The following RNF213 variants were observed in gnomAD, a reference collection of about 807,000 sequenced individuals.
RNF213 encodes ring finger protein 213.
In RNF213, 341 loss-of-function variants were observed where a neutral mutation model predicts 514.4. That is an observed-to-expected ratio of 0.66 (90% CI 0.61 to 0.73). The LOEUF (loss-of-function observed/expected upper bound fraction) is 0.73, where lower values mean the gene tolerates loss of function less well. RNF213 is among the 30% of genes least tolerant of loss of function. RNF213 has a pLI of 0.00. For missense variants in RNF213, 5,767 were observed against 6,615.6 expected, an observed-to-expected ratio of 0.87 and a Z score of 4.45; for synonymous variants, 2,655 against 2,658.2, an observed-to-expected ratio of 1.00 and a Z score of 0.04.
At chr17:80,304,811 A>G (rs2045301827) in intron 11 of RNF213, among the ~76,000 whole-genome samples, 1 of 152,054 alleles carries the variant, frequency 6.6e-6, no homozygotes, top group African/African-American at 2.4e-5. Flanking sequence ...CGTCAGCACC[A>G]TCCACCTCCC....
chr17:80,275,357 T>G (rs77432320), intron 3 of RNF213, among the ~76,000 whole-genome samples: 2,742 of 152,060 alleles, frequency 0.018, 88 homozygotes, highest in African/African-American at 0.059. Flanking sequence ...AAAGTGGCAG[T>G]ACGGATGGTG....
intron 58 of RNF213, among the ~76,000 whole-genome samples, chr17:80,383,318 A>C (rs543189611): frequency 6.6e-6 from 1 of 152,350 alleles, no homozygotes; most frequent in African/African-American, 2.4e-5. Context: ...AAGTGCAGGC[A>C]GTGTTTTTCT....
intron 3 of RNF213, among the ~76,000 whole-genome samples, chr17:80,283,144 A>T (rs994425327): frequency 1.3e-5 from 2 of 152,190 alleles, no homozygotes; most frequent in Non-Finnish European, 2.9e-5. Context: ...ATTCTGGGTC[A>T]AAGAAGACTA....
chr17:80,290,207 G>A (rs985899889), intron 6 of RNF213, among the ~76,000 whole-genome samples: 1 of 152,266 alleles, frequency 6.6e-6, no homozygotes, highest in Admixed American at 6.5e-5. Context: ...CCTCCATGGG[G>A]GGTGGTGTGT....
rs188489730 is a variant in RNF213 at position 80,301,588 on chromosome 17, A to C, written c.2210+3070A>C. On this transcript the variant is annotated intron_variant, in intron 11 of 67. Transcript: ENST00000582970. ...TAGGGAAATGCAAATCAAAACCACA[A>C]TGAGATATGGTCTTACCCAAGTTAG... Among the ~76,000 whole-genome samples the C allele has an allele frequency of 5.9e-5, 9 of 152,348 alleles. No homozygotes were observed. The East Asian group carries it at 1.7e-3, about 29-fold the overall frequency.
chr17:80,284,888 C>T (rs2044419104), intron 3 of RNF213, among the ~76,000 whole-genome samples: 1 of 152,214 alleles, frequency 6.6e-6, no homozygotes, highest in Admixed American at 6.5e-5. Flanking sequence ...CTCTGATTGG[C>T]TCACAGGCCA....
intron 59 of RNF213, 67 bp from the exon 60 acceptor site, chr17:80,384,972 G>A: frequency 1.3e-6 from 2 of 1,555,422 alleles, no homozygotes; most frequent in East Asian, 2.2e-5. Flanking sequence ...CAGTCTCAAA[G>A]TCTGTAACCC....
At chr17:80,390,296 A>G (rs2144667324) in intron 67 of RNF213, 100 bp downstream of exon 67, 1 of 1,363,482 alleles carries the variant, frequency 7.3e-7, no homozygotes. Flanking sequence ...CTTACCACAG[A>G]ATCCCATTTC....
Position 80,264,998 on chromosome 17 carries a change from A to G in RNF213, c.97+1220A>G, listed in dbSNP as rs561647294. On this transcript the variant is annotated intron_variant, in intron 2 of 67. Transcript: ENST00000582970. The surrounding 1 kb of genome is among the most constrained non-coding windows in gnomAD (Gnocchi z 5.0). ...AGCTGCTCGCCATGGGGTCTCTCCGATGTTGTCCTTCAAGGGTGTGAGCCC... is the reference window on the plus strand; with the variant it reads ...AGCTGCTCGCCATGGGGTCTCTCCGGTGTTGTCCTTCAAGGGTGTGAGCCC... Among the ~76,000 whole-genome samples, 3 of 144,862 alleles carry G rather than the reference A, an allele frequency of 2.1e-5. No homozygotes were observed. Among genetic ancestry groups the G allele is most frequent in the Non-Finnish European group, 3.0e-5 (2 of 66,858 alleles).
chr17:80,362,974 G>A, intron 39 of RNF213, 128 bp from the exon 40 acceptor site: 1 of 918,310 alleles, frequency 1.1e-6, no homozygotes, highest in Non-Finnish European at 1.7e-6. Context: ...GAAGCAAACG[G>A]GACAGAATAG....
intron 55 of RNF213, among the ~76,000 whole-genome samples, chr17:80,380,551 C>T (rs1008836177): frequency 2.0e-5 from 3 of 152,178 alleles, no homozygotes; most frequent in Non-Finnish European, 4.4e-5. Context: ...GTGGAAAAGA[C>T]GGGTCCAGGC....
chr17:80,388,409 G>A (rs2080326078), intron 63 of RNF213: 2 of 600,052 alleles, frequency 3.3e-6, no homozygotes, highest in Middle Eastern at 4.5e-4. Context: ...GTAATTGGCT[G>A]TGAGGACTCC....
At chr17:80,374,629 A>G (rs1387127278) in intron 50 of RNF213, 40 bp downstream of exon 50, 3 of 1,611,488 alleles carry the variant, frequency 1.9e-6, no homozygotes, top group Admixed American at 1.7e-5. Context: ...ACCAGGTGGC[A>G]TCCCTTGGAG....
At position 80,381,268 on chromosome 17, in the gene RNF213, C is replaced by G. The variant is rs904932758; in HGVS notation, c.13798-279C>G. On this transcript the variant is annotated intron_variant, in intron 56 of 67. Coordinates refer to ENST00000582970, the MANE Select transcript of RNF213 (RefSeq NM_001256071.3). The stretch of plus-strand genomic sequence containing the variant: ...AGAGGCTGACATCTTCATTATTTTA[C>G]CTGTGTCTTCATTGTAGCTAGGGAA... The G allele has an allele frequency of 4.9e-5, 29 of 594,972 alleles. No individual in the cohort carries two copies. The African/African-American group carries it at 5.0e-4, about 10-fold the overall frequency. 36.9% of individuals were successfully genotyped at this position (594,972 alleles called of 1,614,324 possible). A position where few individuals can be genotyped will look rare whatever the true frequency, so the allele number is the denominator to read the frequency against.
In RNF213 at chr17:80,356,007, C is replaced by CTT. The variant is rs71365599; in HGVS notation, c.10862+1442_10862+1443dup. 5.1e-3 allele frequency among the ~76,000 whole-genome samples: 757 copies of CTT among 147,498 alleles called. 6 individuals carry two copies. Among genetic ancestry groups the CTT allele is most frequent in the African/African-American group, 0.015 (613 of 40,274 alleles). ...TTCCTCCTTGTGGACTCTCTTGATG[C>CTT]TTTTTTTTTTTTGAGACGGAGTCTC... On this transcript the variant is annotated intron_variant, in intron 36 of 67. Transcript: ENST00000582970.
chr17:80,290,378 T>G (rs1008042976), intron 6 of RNF213, among the ~76,000 whole-genome samples, 192 bp from the exon 7 acceptor site: 1 of 151,066 alleles, frequency 6.6e-6, no homozygotes, highest in African/African-American at 2.4e-5. Flanking sequence ...TGTGAGTGCG[T>G]GCACGTGTGT....
intron 20 of RNF213, among the ~76,000 whole-genome samples, chr17:80,331,685 G>A (rs567765494): frequency 6.7e-4 from 102 of 152,326 alleles, no homozygotes; most frequent in African/African-American, 2.3e-3. Context: ...GAGCCACTGC[G>A]CCCAACTAGT....
At chr17:80,323,014 C>G (rs545702541) in intron 17 of RNF213, among the ~76,000 whole-genome samples, 8 of 152,270 alleles carry the variant, frequency 5.3e-5, no homozygotes, top group African/African-American at 1.9e-4. Flanking sequence ...ATAGTTTTAG[C>G]TCTTACATGT....
Position 80,376,285 on chromosome 17 carries a change from G to C in RNF213, c.13186-16G>C, listed in dbSNP as rs754459601. On this transcript the variant is annotated splice_polypyrimidine_tract_variant and intron_variant, in intron 51 of 67. Transcript: ENST00000582970. ...ATTCTTTGATACATCTTAATGTTAA[G>C]TTTTTTTCCTGTCAGCAATGTGAAG... The C allele has an allele frequency of 6.2e-7, 1 of 1,613,976 alleles. No individual in the cohort carries two copies. The highest frequency in any genetic ancestry group is 8.5e-7 in the Non-Finnish European group (1 of 1,179,884).
Sources: gnomAD v4.1 joint callset for allele counts (sites outside exome capture counted in the v4.1 genomes callset) on GRCh38, gnomAD v4.1.1 for gene constraint, Gnocchi (gnomAD v3.1) non-coding constraint, MANE v1.5 for transcripts, NCBI Gene and HGNC (gene_info 2026-07-23, HGNC 2026-07-21) for gene names.